LRRC4C: variants seen among roughly 807,000 people sequenced by gnomAD.
The protein encoded by LRRC4C is leucine rich repeat containing 4C.
A neutral mutation model predicts 33.6 loss-of-function variants in LRRC4C; 5 were observed. The observed-to-expected ratio is 0.15, with a 90% CI of 0.08 to 0.31. The LOEUF is 0.31. Among genes scored for constraint, LRRC4C ranks in the 10% least tolerant of loss-of-function variants. The pLI is 1.00. For missense variants in LRRC4C, 560 were observed against 796.7 expected (o/e 0.70, Z 3.58); for synonymous variants, 329 against 302.0 (o/e 1.09, Z -0.93).
intron 2 of LRRC4C, among the ~76,000 whole-genome samples, chr11:40,880,596 T>C (rs939125235): frequency 6.6e-6 from 1 of 151,214 alleles, no homozygotes; most frequent in Non-Finnish European, 1.5e-5. Flanking sequence ...TATATTGCTA[T>C]AGTATTATCA....
Position 41,387,700 on chromosome 11 carries a change from A to G in LRRC4C, c.-496+71731T>C, listed in dbSNP as rs77392340. On this transcript the variant is annotated intron_variant, in intron 1 of 6. Transcript: ENST00000528697. Reference sequence around the variant, plus strand: ...AACTGTAAACAAAATGTTATGGGTGACCCTGGTTTAAAACCCTCTACAATT... The same window carrying G: ...AACTGTAAACAAAATGTTATGGGTGGCCCTGGTTTAAAACCCTCTACAATT... Among the ~76,000 whole-genome samples, 787 of 151,782 alleles carry G rather than the reference A, an allele frequency of 5.2e-3. 8 individuals carry two copies. Among genetic ancestry groups the G allele is most frequent in the Non-Finnish European group, 7.4e-3 (499 of 67,808 alleles).
intron 2 of LRRC4C, among the ~76,000 whole-genome samples, chr11:40,859,872 C>A (rs1254737379): frequency 1.3e-5 from 2 of 151,948 alleles, no homozygotes; most frequent in African/African-American, 2.4e-5. Context: ...GTCAGGAGAT[C>A]GAGACCATCC....
At chr11:40,578,356 A>G (rs1268921809) in intron 3 of LRRC4C, among the ~76,000 whole-genome samples, 3 of 151,572 alleles carry the variant, frequency 2.0e-5, no homozygotes, top group African/African-American at 7.3e-5. Context: ...GTGGTCTTTT[A>G]AATTTTCAGT....
chr11:40,914,424 T>G (rs944824821), intron 2 of LRRC4C, among the ~76,000 whole-genome samples: 2 of 152,180 alleles, frequency 1.3e-5, no homozygotes, highest in African/African-American at 4.8e-5. Flanking sequence ...ATCCAGAATA[T>G]AAAAAGAACC....
Position 40,590,787 on chromosome 11 carries a change from C to T in LRRC4C, c.-270+57355G>A, listed in dbSNP as rs1468445979. Among the ~76,000 whole-genome samples, 5 of 152,334 alleles carry T rather than the reference C, an allele frequency of 3.3e-5. No homozygotes were observed. The South Asian group carries it at 8.3e-4, about 25-fold the overall frequency. ...TGGGGGGTGCCTCCCAGTTAGGCTG[C>T]TCGGGGGTCAGGGGTCAGGGACCCA... On this transcript the variant is annotated intron_variant, in intron 3 of 6. Transcript: ENST00000528697.
At chr11:41,048,260 CTTT>C (rs35599405) in intron 1 of LRRC4C, among the ~76,000 whole-genome samples, 11,720 of 107,022 alleles carry the variant, frequency 0.11, 587 homozygotes, top group South Asian at 0.21. Context: ...AGATTCTTTA[CTTT>C]TTTTTTTTTT....
intron 3 of LRRC4C, among the ~76,000 whole-genome samples, chr11:40,596,804 T>G (rs1396727953): frequency 6.6e-6 from 1 of 152,222 alleles, no homozygotes; most frequent in Non-Finnish European, 1.5e-5. Flanking sequence ...TTTTATATAT[T>G]GCAGAGATGT....
At chr11:41,226,383 C>G (rs969456324) in intron 1 of LRRC4C, among the ~76,000 whole-genome samples, 5 of 152,122 alleles carry the variant, frequency 3.3e-5, no homozygotes, top group African/African-American at 1.2e-4. Flanking sequence ...AGGAAAGAAG[C>G]AAGCAAACAG....
At chr11:40,749,633 C>T (rs1948589442) in intron 2 of LRRC4C, among the ~76,000 whole-genome samples, 1 of 148,676 alleles carries the variant, frequency 6.7e-6, no homozygotes, top group East Asian at 2.0e-4. Flanking sequence ...CAGAGCAGAA[C>T]TAAGTAAAAG....
intron 3 of LRRC4C, among the ~76,000 whole-genome samples, chr11:40,487,730 C>G (rs2138475795): frequency 6.6e-6 from 1 of 152,062 alleles, no homozygotes; most frequent in East Asian, 1.9e-4. Context: ...ACGTAAAACC[C>G]TTTATATAAT....
intron 1 of LRRC4C, among the ~76,000 whole-genome samples, chr11:41,308,529 A>G (rs1479525511): frequency 6.6e-6 from 1 of 152,164 alleles, no homozygotes; most frequent in Non-Finnish European, 1.5e-5. Context: ...TACAGTCAAC[A>G]AAACAAAGCA....
intron 3 of LRRC4C, among the ~76,000 whole-genome samples, chr11:40,597,454 TA>T (rs1959466376): frequency 1.3e-5 from 2 of 152,288 alleles, no homozygotes; most frequent in African/African-American, 4.8e-5. Context: ...CAGAGTTCCA[TA>T]ATCTCTATTG....
At chr11:40,602,101 A>C (rs936218986) in intron 3 of LRRC4C, among the ~76,000 whole-genome samples, 5 of 150,796 alleles carry the variant, frequency 3.3e-5, no homozygotes, top group Non-Finnish European at 5.9e-5. Context: ...CGGCTGAGGC[A>C]GTAGAATCAC....
At chr11:40,573,490 T>TA (rs1226913207) in intron 3 of LRRC4C, among the ~76,000 whole-genome samples, 1 of 152,150 alleles carries the variant, frequency 6.6e-6, no homozygotes, top group Non-Finnish European at 1.5e-5. Context: ...TCATCAATCT[T>TA]AAATAATAAC....
intron 1 of LRRC4C, among the ~76,000 whole-genome samples, chr11:41,034,695 T>C (rs1018803068): frequency 6.8e-6 from 1 of 146,902 alleles, no homozygotes; most frequent in African/African-American, 2.5e-5. Flanking sequence ...ATGGATTGTT[T>C]GGTCTCTTCT....
At chr11:40,816,500 G>T (rs1951711026) in intron 2 of LRRC4C, among the ~76,000 whole-genome samples, 1 of 152,110 alleles carries the variant, frequency 6.6e-6, no homozygotes, top group Non-Finnish European at 1.5e-5. Flanking sequence ...GTTATGTTGT[G>T]TGCAAAAAGC....
chr11:40,542,090 T>C (rs1276225112), intron 3 of LRRC4C, among the ~76,000 whole-genome samples: 1 of 151,272 alleles, frequency 6.6e-6, no homozygotes. Context: ...TTTCTCTTTC[T>C]TTTTCTCTCT....
intron 2 of LRRC4C, among the ~76,000 whole-genome samples, chr11:40,913,725 CA>C (rs1372240906): frequency 2.0e-5 from 3 of 151,982 alleles, no homozygotes; most frequent in Non-Finnish European, 2.9e-5. Flanking sequence ...AATAGAGACA[CA>C]AAAAACCCTT....
intron 3 of LRRC4C, among the ~76,000 whole-genome samples, chr11:40,532,736 T>C (rs1356582948): frequency 6.6e-6 from 1 of 152,014 alleles, no homozygotes; most frequent in Non-Finnish European, 1.5e-5. Flanking sequence ...AGAATAAGCA[T>C]GGGACCATTC....
Sources: allele counts gnomAD v4.1 joint callset (sites outside exome capture counted in the v4.1 genomes callset), GRCh38; gene constraint gnomAD v4.1.1; transcripts MANE v1.5; gene names NCBI Gene and HGNC (gene_info 2026-07-23, HGNC 2026-07-21).